Variants in ZRANB3 observed in about 807,000 individuals in gnomAD.
ZRANB3 encodes the protein zinc finger RANBP2-type containing 3.
A neutral mutation model predicts 133.8 loss-of-function variants in ZRANB3; 125 were observed. The observed-to-expected ratio is 0.93, with a 90% CI of 0.81 to 1.08. The LOEUF is 1.08. ZRANB3 is among the 50% of genes least tolerant of loss of function. ZRANB3 has a pLI of 0.00. For missense variants in ZRANB3, 1,229 were observed against 1,275.5 expected (o/e 0.96, Z 0.56); for synonymous variants, 387 against 432.7 (o/e 0.89, Z 1.31).
chr2:135,381,989 C>T (rs1012922171), intron 3 of ZRANB3, among the ~76,000 whole-genome samples: 26 of 152,274 alleles, frequency 1.7e-4, no homozygotes, highest in African/African-American at 3.8e-4. Flanking sequence ...CAAAGCTGGA[C>T]GGAGAATGAC....
At chr2:135,490,296 A>C (rs1427504251) in intron 2 of ZRANB3, among the ~76,000 whole-genome samples, 11 of 152,190 alleles carry the variant, frequency 7.2e-5, no homozygotes, top group Non-Finnish European at 4.4e-5. Flanking sequence ...TATATAAGAA[A>C]ACTCTATAGC....
At chr2:135,307,551 A>G (rs548811048) in intron 8 of ZRANB3, among the ~76,000 whole-genome samples, 1 of 152,202 alleles carries the variant, frequency 6.6e-6, no homozygotes, top group African/African-American at 2.4e-5. Flanking sequence ...GCTATCTTAA[A>G]GCCCTTGTCT....
At chr2:135,413,452 G>A (rs1364677900) in intron 2 of ZRANB3, among the ~76,000 whole-genome samples, 2 of 152,158 alleles carry the variant, frequency 1.3e-5, no homozygotes, top group African/African-American at 2.4e-5. Flanking sequence ...ACCATCCTCT[G>A]TAACTTCCTT....
chr2:135,263,487 G>GAAA (rs1420062078), intron 12 of ZRANB3, among the ~76,000 whole-genome samples: 1 of 152,070 alleles, frequency 6.6e-6, no homozygotes. Flanking sequence ...TAGCCCAGAG[G>GAAA]AACAACAACA....
intron 2 of ZRANB3, among the ~76,000 whole-genome samples, chr2:135,487,307 C>G (rs1001926716): frequency 4.6e-5 from 7 of 152,166 alleles, no homozygotes; most frequent in African/African-American, 1.7e-4. Context: ...AGAACACAGG[C>G]AGAGTAGATT....
chr2:135,510,521 T>C (rs1210561340), intron 1 of ZRANB3: 7 of 624,368 alleles, frequency 1.1e-5, no homozygotes, highest in Admixed American at 8.0e-5. Context: ...AGGGTTTGTA[T>C]GGCCGCGTGA....
At chr2:135,211,772 A>C (rs1181933059) in intron 17 of ZRANB3, among the ~76,000 whole-genome samples, 1 of 152,120 alleles carries the variant, frequency 6.6e-6, no homozygotes, top group African/African-American at 2.4e-5. Context: ...CCAGTCTCTC[A>C]TAAATGGACA....
chr2:135,358,798 T>C (rs1053697369), intron 3 of ZRANB3, among the ~76,000 whole-genome samples: 1 of 152,122 alleles, frequency 6.6e-6, no homozygotes, highest in Non-Finnish European at 1.5e-5. Context: ...GATGTTTACA[T>C]GCAAGCCCTC....
intron 1 of ZRANB3, among the ~76,000 whole-genome samples, chr2:135,504,918 AAG>A (rs1693105810): frequency 6.6e-6 from 1 of 152,198 alleles, no homozygotes; most frequent in Non-Finnish European, 1.5e-5. Flanking sequence ...CAGATTTTCT[AAG>A]AGTGAGGTAA....
At chr2:135,453,600 C>T (rs1291741670) in intron 2 of ZRANB3, among the ~76,000 whole-genome samples, 2 of 152,206 alleles carry the variant, frequency 1.3e-5, no homozygotes, top group Non-Finnish European at 2.9e-5. Flanking sequence ...ATCTCTAGGG[C>T]AGGGGCAAAG....
In ZRANB3 at chr2:135,461,436, C is replaced by T. The variant is rs550394061; in HGVS notation, c.161+42893G>A. Among the ~76,000 whole-genome samples the T allele has an allele frequency of 3.9e-5, 6 of 152,096 alleles. No individual in the cohort carries two copies. The East Asian group carries it at 7.7e-4, about 20-fold the overall frequency. On this transcript the variant is annotated intron_variant, in intron 2 of 20. Transcript: ENST00000264159. ...AATACAAAAAATTAGCCGGTCTTGG[C>T]GATGCATGCCTGTAATCCTAGCTAT... is the stretch of plus-strand genomic sequence containing the variant.
intron 2 of ZRANB3, among the ~76,000 whole-genome samples, chr2:135,450,285 A>T (rs868263238): frequency 6.7e-6 from 1 of 149,428 alleles, no homozygotes; most frequent in Non-Finnish European, 1.5e-5. Context: ...CAAATAAAAT[A>T]AAATAAAATT....
chr2:135,406,431 C>A (rs1172415735), intron 2 of ZRANB3, among the ~76,000 whole-genome samples: 2 of 152,014 alleles, frequency 1.3e-5, no homozygotes, highest in East Asian at 3.9e-4. Flanking sequence ...GAAACTATTC[C>A]ATCAATAGAA....
chr2:135,299,412 C>T (rs888387261), intron 8 of ZRANB3, among the ~76,000 whole-genome samples: 15 of 152,196 alleles, frequency 9.9e-5, no homozygotes, highest in Non-Finnish European at 1.6e-4. Flanking sequence ...CTACAAGCCT[C>T]CCCTGCTCTG....
chr2:135,467,300 C>T (rs1691042789), intron 2 of ZRANB3, among the ~76,000 whole-genome samples: 1 of 152,186 alleles, frequency 6.6e-6, no homozygotes, highest in Non-Finnish European at 1.5e-5. Flanking sequence ...TCCATATCTA[C>T]AGTTAAGACT....
intron 2 of ZRANB3, among the ~76,000 whole-genome samples, chr2:135,485,724 T>C (rs767782072): frequency 2.0e-5 from 3 of 152,220 alleles, no homozygotes; most frequent in Non-Finnish European, 2.9e-5. Context: ...TCACAGTGTA[T>C]ATTAAAGCTC....
Position 135,271,823 on chromosome 2 carries a change from A to C in ZRANB3, c.1151T>G (p.Phe384Cys). ...CACGCGAGTGTCAGGATCCTTTTGA[A>C]ACTGATTAACCAGATGTATTCTTTC... ...SSERIHLVNQFQKDPDTRVAI... is the reference protein window; with the variant it reads ...SSERIHLVNQCQKDPDTRVAI... The change falls in exon 10 of 21, where the codon TTT (phenylalanine) becomes TGT (cysteine). Residue 384 changes from phenylalanine to cysteine, a missense_variant. By Grantham distance (205) the Phe-to-Cys change is radical. Transcript: ENST00000264159. 1.2e-6 allele frequency: 2 copies of C among 1,613,858 alleles called. No individual in the cohort carries two copies. Among genetic ancestry groups the C allele is most frequent in the South Asian group, 1.1e-5 (1 of 91,054 alleles).
chr2:135,406,904 C>T (rs1420440419), intron 2 of ZRANB3, among the ~76,000 whole-genome samples: 1 of 152,098 alleles, frequency 6.6e-6, no homozygotes, highest in Non-Finnish European at 1.5e-5. Flanking sequence ...CCCTTCAAAA[C>T]ATGGCACAAG....
intron 8 of ZRANB3, among the ~76,000 whole-genome samples, chr2:135,294,205 G>A (rs1427617235): frequency 1.3e-5 from 2 of 152,128 alleles, no homozygotes; most frequent in African/African-American, 4.8e-5. Flanking sequence ...ATAGAATTTG[G>A]ATATGAATCC....
Sources: allele counts gnomAD v4.1 joint callset (sites outside exome capture counted in the v4.1 genomes callset), GRCh38; gene constraint gnomAD v4.1.1; transcripts MANE v1.5; gene names NCBI Gene and HGNC (gene_info 2026-07-23, HGNC 2026-07-21).